Variants in CPNE8 observed in about 807,000 individuals in gnomAD.
The protein encoded by CPNE8 is copine-8.
In CPNE8, 45 loss-of-function variants were observed where a neutral mutation model predicts 81.5. That is an observed-to-expected ratio of 0.55 (90% CI 0.44 to 0.71). The LOEUF (loss-of-function observed/expected upper bound fraction) is 0.71. Ranked by LOEUF, CPNE8 falls within the 30% of genes least tolerant of loss-of-function variation. The pLI is 0.00. For missense variants in CPNE8, 594 were observed against 672.1 expected (o/e 0.88, Z 1.28); for synonymous variants, 252 against 226.3 (o/e 1.11, Z -1.02).
intron 2 of CPNE8, 96 bp from the exon 3 acceptor site, chr12:38,873,146 T>C: frequency 1.4e-6 from 1 of 737,284 alleles, no homozygotes. Context: ...AAAAGCTACA[T>C]CAAAATTAAA....
chr12:38,823,253 C>T (rs1446904946), intron 6 of CPNE8, among the ~76,000 whole-genome samples: 1 of 152,106 alleles, frequency 6.6e-6, no homozygotes, highest in Admixed American at 6.6e-5. Context: ...TGTTCCTCTC[C>T]CTGCTTTCAT....
chr12:38,759,568 T>C (rs999984707), intron 10 of CPNE8, among the ~76,000 whole-genome samples: 1 of 152,206 alleles, frequency 6.6e-6, no homozygotes, highest in African/African-American at 2.4e-5. Flanking sequence ...TATGAAGTTA[T>C]CTCTAAGAGC....
intron 19 of CPNE8, among the ~76,000 whole-genome samples, chr12:38,669,341 T>A (rs190255797): frequency 6.6e-6 from 1 of 152,178 alleles, no homozygotes; most frequent in Non-Finnish European, 1.5e-5. Flanking sequence ...TACTAACAGA[T>A]TACTTTATAT....
chr12:38,782,197 A>G (rs1207116809), intron 6 of CPNE8, among the ~76,000 whole-genome samples: 1 of 152,202 alleles, frequency 6.6e-6, no homozygotes, highest in Non-Finnish European at 1.5e-5. Context: ...TTTTCTATAA[A>G]CATAAAACTA....
At chr12:38,813,485 T>C (rs971694777) in intron 6 of CPNE8, among the ~76,000 whole-genome samples, 2 of 152,208 alleles carry the variant, frequency 1.3e-5, no homozygotes, top group African/African-American at 2.4e-5. Flanking sequence ...TTTTGAGGTA[T>C]AAATGATAAA....
intron 6 of CPNE8, among the ~76,000 whole-genome samples, chr12:38,822,810 A>G (rs1372501013): frequency 5.3e-5 from 8 of 152,184 alleles, no homozygotes; most frequent in Admixed American, 5.2e-4. Flanking sequence ...TTGCAATAGC[A>G]AGTTAGTAGC....
At chr12:38,796,950 C>G (rs1015950698) in intron 6 of CPNE8, among the ~76,000 whole-genome samples, 93 of 152,194 alleles carry the variant, frequency 6.1e-4, no homozygotes, top group African/African-American at 2.2e-3. Flanking sequence ...ATTGCTAGCA[C>G]AGCAGTATGA....
chr12:38,899,089 G>A (rs1164652298), intron 1 of CPNE8, among the ~76,000 whole-genome samples: 4 of 152,154 alleles, frequency 2.6e-5, no homozygotes, highest in Non-Finnish European at 5.9e-5. Flanking sequence ...TATTCCAGTA[G>A]AGAAGGAAGA....
intron 13 of CPNE8, among the ~76,000 whole-genome samples, chr12:38,713,541 A>C (rs557865250): frequency 2.6e-5 from 4 of 152,198 alleles, no homozygotes; most frequent in African/African-American, 9.6e-5. Flanking sequence ...GACAGATGTG[A>C]GGGTTTGCAT....
rs573232937 is a variant in CPNE8, at chr12:38,704,826, G to GTATATA, written c.915-1911_915-1906dup. On this transcript the variant is annotated intron_variant, in intron 13 of 19. Coordinates refer to ENST00000331366, the MANE Select transcript of CPNE8 (RefSeq NM_153634.3). ...GGACCATCTGTGTGTGTATGTATGT[G>GTATATA]TATATATATATATATATATATATAT... Among the ~76,000 whole-genome samples, 254 of 50,144 alleles carry GTATATA rather than the reference G, an allele frequency of 5.1e-3. 2 individuals are homozygous for GTATATA. Among genetic ancestry groups the GTATATA allele is most frequent in the African/African-American group, 0.01 (223 of 21,602 alleles). The allele number at this position is 50,144 out of a possible 152,430, so 32.9% of individuals were successfully genotyped here.
chr12:38,741,423 A>C (rs1233466108), intron 10 of CPNE8, among the ~76,000 whole-genome samples: 1 of 152,184 alleles, frequency 6.6e-6, no homozygotes, highest in Non-Finnish European at 1.5e-5. Flanking sequence ...CAAAAACAAG[A>C]AATGGGGAAA....
intron 10 of CPNE8, among the ~76,000 whole-genome samples, chr12:38,739,199 G>A (rs1459014380): frequency 2.0e-5 from 3 of 152,124 alleles, no homozygotes; most frequent in African/African-American, 7.2e-5. Context: ...GGTTTTTGAA[G>A]AGTGTTACTT....
At chr12:38,675,966 AT>A in intron 17 of CPNE8, among the ~76,000 whole-genome samples, 192 bp from the exon 18 acceptor site, 1 of 152,100 alleles carries the variant, frequency 6.6e-6, no homozygotes, top group East Asian at 1.9e-4. Flanking sequence ...CCAAAAAATA[AT>A]TAGCCAGGTG....
chr12:38,882,833 C>A (rs1944181281), intron 1 of CPNE8, among the ~76,000 whole-genome samples: 1 of 152,070 alleles, frequency 6.6e-6, no homozygotes, highest in African/African-American at 2.4e-5. Flanking sequence ...TCTTTGCAGT[C>A]CCTCAAATGA....
intron 3 of CPNE8, among the ~76,000 whole-genome samples, chr12:38,871,630 C>A (rs993290984): frequency 6.6e-6 from 1 of 152,130 alleles, no homozygotes; most frequent in Non-Finnish European, 1.5e-5. Context: ...CTTATCCAAG[C>A]ATGGATTTTT....
At chr12:38,738,403 T>A (rs57135290) in intron 10 of CPNE8, among the ~76,000 whole-genome samples, 2,916 of 152,266 alleles carry the variant, frequency 0.019, 93 homozygotes, top group African/African-American at 0.067. Context: ...ATTTAGATAA[T>A]TCAAGTCCCA....
At chr12:38,851,583 C>CA (rs1295865249) in intron 3 of CPNE8, among the ~76,000 whole-genome samples, 1 of 152,202 alleles carries the variant, frequency 6.6e-6, no homozygotes, top group Non-Finnish European at 1.5e-5. Context: ...TAGCTCCCAT[C>CA]ATCAGCCTAA....
intron 4 of CPNE8, among the ~76,000 whole-genome samples, chr12:38,846,403 A>G (rs1234354160): frequency 1.3e-5 from 2 of 152,182 alleles, no homozygotes; most frequent in Non-Finnish European, 2.9e-5. Context: ...GAAAAGCTAT[A>G]TATTGTTTTG....
intron 3 of CPNE8, among the ~76,000 whole-genome samples, chr12:38,848,977 T>C (rs1943599358): frequency 6.6e-6 from 1 of 152,176 alleles, no homozygotes; most frequent in Non-Finnish European, 1.5e-5. Context: ...AAATGTATTA[T>C]AAATTATTTT....
Sources: gnomAD v4.1 joint callset for allele counts (sites outside exome capture counted in the v4.1 genomes callset) on GRCh38, gnomAD v4.1.1 for gene constraint, MANE v1.5 for transcripts, NCBI Gene and HGNC (gene_info 2026-07-23, HGNC 2026-07-21) for gene names.